Variants in MN1 observed in about 807,000 individuals in gnomAD.
MN1 encodes MN1 proto-oncogene, transcriptional regulator.
MN1 carries 19 observed loss-of-function variants against 86.9 expected under a neutral mutation model. The observed-to-expected ratio is 0.22, with a 90% confidence interval of 0.15 to 0.32. The LOEUF is 0.32. Among genes scored for constraint, MN1 ranks in the 10% least tolerant of loss-of-function variants. The pLI is 1.00. For missense variants in MN1, 1,841 were observed against 1,862.0 expected, an observed-to-expected ratio of 0.99 and a Z score of 0.21; for synonymous variants, 928 against 849.6, an observed-to-expected ratio of 1.09 and a Z score of -1.60.
intron 1 of MN1, among the ~76,000 whole-genome samples, chr22:27,772,304 T>A (rs1932924436): frequency 1.3e-5 from 2 of 152,218 alleles, no homozygotes; most frequent in Admixed American, 1.3e-4. Flanking sequence ...TAATTGCAAG[T>A]AATATTTAAT....
intron 1 of MN1, among the ~76,000 whole-genome samples, chr22:27,756,041 G>A (rs1219624414): frequency 1.3e-5 from 2 of 152,210 alleles, no homozygotes; most frequent in Admixed American, 1.3e-4. Flanking sequence ...TAGCACGTGG[G>A]GCGCTCCTGC....
intron 1 of MN1, among the ~76,000 whole-genome samples, chr22:27,783,652 G>A (rs974998561): frequency 1.5e-4 from 23 of 152,122 alleles, no homozygotes; most frequent in Admixed American, 7.9e-4. Context: ...CTGGGCTTTC[G>A]TTATCTCAAC....
At chr22:27,793,703 C>A (rs1933246015) in intron 1 of MN1, among the ~76,000 whole-genome samples, 1 of 151,952 alleles carries the variant, frequency 6.6e-6, no homozygotes, top group Non-Finnish European at 1.5e-5. Context: ...CTAGACTTTG[C>A]GAGAACGACA....
At chr22:27,774,652 C>G (rs570819893) in intron 1 of MN1, among the ~76,000 whole-genome samples, 6 of 152,326 alleles carry the variant, frequency 3.9e-5, no homozygotes, top group Admixed American at 1.3e-4. Context: ...ACTGAAGTTT[C>G]CCAGGTGCAG....
Position 27,799,331 on chromosome 22 carries a change from C to G in MN1, c.1213G>C (p.Ala405Pro). Reference protein sequence around the residue: ...DGGPMLPSQHAQFEYPIHRLE... With the variant: ...DGGPMLPSQHPQFEYPIHRLE... The stretch of plus-strand genomic sequence containing the variant: ...CGGTGGATGGGATACTCGAATTGCG[C>G]GTGCTGGCTGGGCAGCATGGGGCCT... The change falls in exon 1 of 2, where the codon GCG (alanine) becomes CCG (proline). Residue 405 changes from alanine to proline, a missense_variant. Ala to Pro is a conservative substitution (Grantham distance 27). Coordinates refer to ENST00000302326, the MANE Select transcript of MN1 (RefSeq NM_002430.3). 1 of 1,592,304 alleles carries G rather than the reference C, an allele frequency of 6.3e-7. No individual in the cohort carries two copies. The highest frequency in any genetic ancestry group is 8.5e-7 in the Non-Finnish European group (1 of 1,170,984).
intron 1 of MN1, chr22:27,791,712 A>G (rs1163133499): frequency 6.6e-6 from 1 of 152,192 alleles, no homozygotes. Context: ...AATCTCTAAA[A>G]ATAACCAAAC....
intron 1 of MN1, among the ~76,000 whole-genome samples, chr22:27,777,548 AGAG>A (rs1932994890): frequency 9.2e-6 from 1 of 109,236 alleles, no homozygotes; most frequent in African/African-American, 4.1e-5. Context: ...AAAAAAAAAA[AGAG>A]AGAGAGAAAA....
At chr22:27,764,815 G>A (rs1048847833) in intron 1 of MN1, among the ~76,000 whole-genome samples, 4 of 152,212 alleles carry the variant, frequency 2.6e-5, no homozygotes, top group Non-Finnish European at 5.9e-5. Flanking sequence ...AACCCTGGAG[G>A]AAGCATCTAT....
Position 27,749,017 on chromosome 22 carries a change from G to A in MN1, c.*1898C>T, listed in dbSNP as rs1568968151. On this transcript the variant is annotated 3_prime_UTR_variant, in exon 2 of 2. Transcript: ENST00000302326. ...TTCCCTTTCCATTCCTTTTGTAGCA[G>A]AACGCAGGAACTGCCTCGGCTCACA... The A allele has an allele frequency of 4.3e-6, 1 of 231,480 alleles. No homozygotes were observed. The highest frequency in any genetic ancestry group is 8.5e-6 in the Non-Finnish European group (1 of 117,046). 14.3% of individuals were successfully genotyped at this position (231,480 alleles called of 1,614,324 possible).
At chr22:27,793,084 G>A (rs1601340977) in intron 1 of MN1, among the ~76,000 whole-genome samples, 1 of 152,146 alleles carries the variant, frequency 6.6e-6, no homozygotes, top group Non-Finnish European at 1.5e-5. Flanking sequence ...AGTGTGTACC[G>A]AGACTGCTCC....
intron 1 of MN1, among the ~76,000 whole-genome samples, chr22:27,778,083 G>A (rs1263154459): frequency 6.6e-6 from 1 of 152,146 alleles, no homozygotes; most frequent in Non-Finnish European, 1.5e-5. Context: ...AGTAGAAGGT[G>A]TGATTAATGC....
intron 1 of MN1, among the ~76,000 whole-genome samples, chr22:27,758,674 G>C (rs1932816183): frequency 6.6e-6 from 1 of 152,154 alleles, no homozygotes; most frequent in Non-Finnish European, 1.5e-5. Flanking sequence ...CCCTCTCCGA[G>C]CCTCACCTTT....
chr22:27,789,885 G>A (rs1160991261), intron 1 of MN1, among the ~76,000 whole-genome samples: 1 of 152,258 alleles, frequency 6.6e-6, no homozygotes, highest in Non-Finnish European at 1.5e-5. Flanking sequence ...TCAGCCTAGA[G>A]AGAATGACAA....
chr22:27,800,755 G>T lies in MN1; in HGVS notation c.-212C>A. ...GAAGCTCCGATTCTGCCCGGGGAGG[G>T]CCTCTCACATCTTGCGAGGCCGCGG... On this transcript the variant is annotated 5_prime_UTR_variant, in exon 1 of 2. Coordinates refer to ENST00000302326, the MANE Select transcript of MN1 (RefSeq NM_002430.3). 3.2e-6 allele frequency: 2 copies of T among 629,892 alleles called. No homozygotes were observed. The highest frequency in any genetic ancestry group is 2.0e-5 in the South Asian group (1 of 50,984). 39.0% of individuals were successfully genotyped at this position (629,892 alleles called of 1,614,324 possible).
In MN1 at chr22:27,796,622, G is replaced by A. The variant is rs1382160902; in HGVS notation, c.3781+141C>T. On this transcript the variant is annotated intron_variant, in intron 1 of 1. Coordinates refer to ENST00000302326, the MANE Select transcript of MN1 (RefSeq NM_002430.3). Reference sequence around the variant, plus strand: ...CACAGCCCTTGGTGTAAGCAAAGGTGGGATAACCAGCTCCTAGTTGGGGAT... The same window carrying A: ...CACAGCCCTTGGTGTAAGCAAAGGTAGGATAACCAGCTCCTAGTTGGGGAT... The A allele has an allele frequency of 1.4e-5, 11 of 807,100 alleles. No individual in the cohort carries two copies. The Admixed American group carries it at 2.7e-4, about 20-fold the overall frequency. 50.0% of individuals were successfully genotyped at this position (807,100 alleles called of 1,614,324 possible).
rs1484496351 is a variant in MN1, at chr22:27,798,599, C to T, written c.1945G>A (p.Gly649Ser). 1 of 1,556,102 alleles carries T rather than the reference C, an allele frequency of 6.4e-7. No homozygotes were observed. Among genetic ancestry groups the T allele is most frequent in the Non-Finnish European group, 8.6e-7 (1 of 1,160,068 alleles). ...CCACAGTCAGCGGGCAGACCCGAGC[C>T]GCCCATCCTACGGGGCAGCAGGTCT... ...PGDLLPRRMGGSGLPADCGPH... is the reference protein window; with the variant it reads ...PGDLLPRRMGSSGLPADCGPH... Residue 649 changes from glycine (G) to serine (S), a missense_variant, in exon 1 of 2, where the codon GGC becomes AGC. Coordinates refer to ENST00000302326, the MANE Select transcript of MN1 (RefSeq NM_002430.3).
intron 1 of MN1, among the ~76,000 whole-genome samples, chr22:27,759,906 T>C (rs1932823474): frequency 1.3e-5 from 2 of 152,192 alleles, no homozygotes; most frequent in South Asian, 4.1e-4. Context: ...ATCCCTTCTA[T>C]CCCTCTGGGG....
In MN1 at chr22:27,797,893, G is replaced by T; in HGVS notation, c.2651C>A (p.Ala884Asp). The change falls in exon 1 of 2, where the codon GCT becomes GAT. Residue 884 changes from alanine to aspartate, a missense_variant. By Grantham distance (126) the Ala-to-Asp change is moderately radical. Transcript: ENST00000302326. Reference protein sequence around the residue: ...PGSDYFPGGTAPGAPGPGGPS... With the variant: ...PGSDYFPGGTDPGAPGPGGPS... ...GCCTCCGGGTCCTGGGGCCCCAGGA[G>T]CAGTCCCTCCTGGGAAGTAATCCGA... The T allele has an allele frequency of 3.1e-6, 5 of 1,598,222 alleles. No homozygotes were observed. The highest frequency in any genetic ancestry group is 4.3e-6 in the Non-Finnish European group (5 of 1,172,562).
chr22:27,765,058 C>A (rs1932859116), intron 1 of MN1, among the ~76,000 whole-genome samples: 1 of 152,196 alleles, frequency 6.6e-6, no homozygotes, highest in Non-Finnish European at 1.5e-5. Flanking sequence ...CCTCATGACC[C>A]AGTCAAGGTA....
Sources: gnomAD v4.1 joint callset for allele counts (sites outside exome capture counted in the v4.1 genomes callset) on GRCh38, gnomAD v4.1.1 for gene constraint, MANE v1.5 for transcripts, NCBI Gene and HGNC (gene_info 2026-07-23, HGNC 2026-07-21) for gene names.